SULT1E1: variants seen among roughly 807,000 people sequenced by gnomAD.
SULT1E1 encodes sulfotransferase family 1E member 1.
A neutral mutation model predicts 33.6 loss-of-function variants in SULT1E1; 36 were observed. The observed-to-expected ratio is 1.07, with a 90% CI of 0.82 to 1.41. The LOEUF (loss-of-function observed/expected upper bound fraction) is 1.41. Among genes scored for constraint, SULT1E1 ranks in the 40% most tolerant of loss-of-function variants. The probability of loss-of-function intolerance (pLI) is 0.00; values close to 1 mark genes in which losing one functional copy is unlikely to be tolerated. For synonymous variants in SULT1E1, 121 were observed against 111.7 expected (o/e 1.08, Z -0.53); for missense variants, 371 against 345.7 (o/e 1.07, Z -0.58).
At chr4:69,838,054 T>C (rs750360095), downstream of SULT1E1, among the ~76,000 whole-genome samples, 2 of 152,170 alleles carry the variant, frequency 1.3e-5, no homozygotes, top group Admixed American at 6.5e-5. Flanking sequence ...AATTGTCAAA[T>C]TTACTAGCAT....
chr4:69,838,055 T>G (rs1480404144), downstream of SULT1E1, among the ~76,000 whole-genome samples: 1 of 152,168 alleles, frequency 6.6e-6, no homozygotes, highest in Non-Finnish European at 1.5e-5. Flanking sequence ...ATTGTCAAAT[T>G]TACTAGCATA....
intron 2 of SULT1E1, 105 bp downstream of exon 2, chr4:69,857,395 T>C (rs1721263873): frequency 7.2e-7 from 1 of 1,391,974 alleles, no homozygotes; most frequent in East Asian, 2.4e-5. Flanking sequence ...ACCGCATCTG[T>C]TCTTAATATA....
At chr4:69,843,850 A>G (rs1363185414) in intron 7 of SULT1E1, among the ~76,000 whole-genome samples, 1 of 152,252 alleles carries the variant, frequency 6.6e-6, no homozygotes, top group Non-Finnish European at 1.5e-5. Context: ...AAGGAACTAT[A>G]TGATACATGT....
chr4:69,834,862 C>T, the SULT1E1 span, among the ~76,000 whole-genome samples: 1 of 151,986 alleles, frequency 6.6e-6, no homozygotes, highest in Non-Finnish European at 1.5e-5. Flanking sequence ...GTTTCTATTT[C>T]CTCATTTCTA....
intron 7 of SULT1E1, among the ~76,000 whole-genome samples, chr4:69,843,894 C>T (rs1389272696): frequency 3.3e-5 from 5 of 152,162 alleles, no homozygotes; most frequent in African/African-American, 1.2e-4. Flanking sequence ...TGGTAAATTA[C>T]AGCTAGTAGA....
chr4:69,848,364 G>C (rs1316116267), intron 5 of SULT1E1, among the ~76,000 whole-genome samples: 5 of 151,694 alleles, frequency 3.3e-5, no homozygotes, highest in African/African-American at 1.2e-4. Flanking sequence ...ACCAAATGCT[G>C]TCTCTTCCTT....
At chr4:69,857,338 T>C (rs113632847) in intron 2 of SULT1E1, among the ~76,000 whole-genome samples, 162 bp downstream of exon 2, 26 of 152,306 alleles carry the variant, frequency 1.7e-4, no homozygotes, top group African/African-American at 5.3e-4. Context: ...CAGGTAAAAA[T>C]TGTGGTCATG....
rs1352776526 is a variant in SULT1E1, at chr4:69,842,031, A to G, written c.848T>C (p.Met283Thr). ...EKFDKHYEQQ[M>T]KESTLKFRTE... ...TCGAAACTTCAGTGTAGATTCCTTCATTTGCTGCTCATAATGTTTATCAAA... is the reference window on the plus strand; with the variant it reads ...TCGAAACTTCAGTGTAGATTCCTTCGTTTGCTGCTCATAATGTTTATCAAA... Residue 283 changes from methionine to threonine, a missense_variant, in exon 8 of 8, where the codon ATG (methionine) becomes ACG (threonine). Met to Thr is a moderately conservative substitution (Grantham distance 81). Coordinates refer to ENST00000226444, the MANE Select transcript of SULT1E1 (RefSeq NM_005420.3). 2 of 1,610,296 alleles carry G rather than the reference A, an allele frequency of 1.2e-6. No homozygotes were observed. The highest frequency in any genetic ancestry group is 2.2e-5 in the East Asian group (1 of 44,584).
chr4:69,837,473 G>T (rs1051627975), downstream of SULT1E1, among the ~76,000 whole-genome samples: 3 of 152,008 alleles, frequency 2.0e-5, no homozygotes, highest in Non-Finnish European at 2.9e-5. Context: ...GAAAGTGTTT[G>T]TTTGGGATGT....
At chr4:69,852,561 T>A (rs1245524487) in intron 4 of SULT1E1, among the ~76,000 whole-genome samples, 1 of 152,206 alleles carries the variant, frequency 6.6e-6, no homozygotes, top group Non-Finnish European at 1.5e-5. Context: ...CTCAGTTATT[T>A]ATATTATCTA....
chr4:69,841,887 A>C lies in SULT1E1; in HGVS notation c.*107T>G. ...AACAAAAATTTAAAAAGAAAATGTC[A>C]ACATAATCCATGATTATGTCTTTTC... On this transcript the variant is annotated 3_prime_UTR_variant, in exon 8 of 8. Transcript: ENST00000226444. 1 of 637,884 alleles carries C rather than the reference A, an allele frequency of 1.6e-6. No homozygotes were observed. The highest frequency in any genetic ancestry group is 2.3e-5 in the South Asian group (1 of 43,758). The allele number at this position is 637,884 out of a possible 1,614,324, so 39.5% of individuals were successfully genotyped here. A position where few individuals can be genotyped will look rare whatever the true frequency, so the allele number is the denominator to read the frequency against.
rs753593231 is a variant in SULT1E1, at chr4:69,844,213, T to G, written c.720A>C (p.Thr240=). 2 of 1,614,034 alleles carry G rather than the reference T, an allele frequency of 1.2e-6. No homozygotes were observed. The highest frequency in any genetic ancestry group is 1.7e-6 in the Non-Finnish European group (2 of 1,179,932). ...EMKNNPSTNY[T]TLPDEIMNQK... ...GGTTCATAATTTCGTCTGGCAGTGT[T>G]GTGTAATTTGTGGATGGATTGTTCT... Residue 240 remains threonine, a synonymous_variant, in exon 7 of 8, where the codon ACA becomes ACC. Coordinates refer to ENST00000226444, the MANE Select transcript of SULT1E1 (RefSeq NM_005420.3).
chr4:69,859,015 T>C (rs1319836747), intron 1 of SULT1E1, among the ~76,000 whole-genome samples: 2 of 152,138 alleles, frequency 1.3e-5, no homozygotes, highest in Admixed American at 6.6e-5. Context: ...AAAATATCTT[T>C]TCTCATTCTA....
At chr4:69,856,652 C>T (rs1721242958) in intron 2 of SULT1E1, among the ~76,000 whole-genome samples, 1 of 151,868 alleles carries the variant, frequency 6.6e-6, no homozygotes, top group South Asian at 2.1e-4. Context: ...TAACTAAGGG[C>T]GGCCGGGCGC....
chr4:69,857,392 C>G (rs908152783), intron 2 of SULT1E1, 108 bp downstream of exon 2: 1 of 1,360,314 alleles, frequency 7.4e-7, no homozygotes, highest in Admixed American at 2.6e-5. Context: ...ACTACCGCAT[C>G]TGTTCTTAAT....
At position 69,843,431 on chromosome 4, in the gene SULT1E1, G is replaced by GT. The variant is rs1195473887; in HGVS notation, c.772+729dup. On this transcript the variant is annotated intron_variant, in intron 7 of 7. Coordinates refer to ENST00000226444, the MANE Select transcript of SULT1E1 (RefSeq NM_005420.3). Reference sequence around the variant, plus strand: ...TTTCAGTGGATCCCTGTTCTGTTTTGTTTTTTTCCCCAGTGGCAGGTTTGT... The same window carrying GT: ...TTTCAGTGGATCCCTGTTCTGTTTTGTTTTTTTTCCCCAGTGGCAGGTTTGT... Among the ~76,000 whole-genome samples, 4 of 152,164 alleles carry GT rather than the reference G, an allele frequency of 2.6e-5. No individual in the cohort carries two copies. The East Asian group carries it at 5.8e-4, about 22-fold the overall frequency.
downstream of SULT1E1, among the ~76,000 whole-genome samples, chr4:69,839,174 T>TC (rs1320643455): frequency 3.3e-5 from 5 of 152,252 alleles, no homozygotes; most frequent in Admixed American, 1.3e-4. Flanking sequence ...ATGTCTATTT[T>TC]CTGTCACTAT....
chr4:69,840,750 A>C (rs1462306668), downstream of SULT1E1, among the ~76,000 whole-genome samples: 1 of 152,118 alleles, frequency 6.6e-6, no homozygotes, highest in African/African-American at 2.4e-5. Flanking sequence ...ATTTTGTTGA[A>C]AGTAAAAGAA....
At chr4:69,852,476 C>T (rs1279947786) in intron 4 of SULT1E1, among the ~76,000 whole-genome samples, 7 of 152,076 alleles carry the variant, frequency 4.6e-5, no homozygotes, top group Non-Finnish European at 8.8e-5. Flanking sequence ...CAAAAAATCC[C>T]GCTTCTTCCT....
Sources: allele counts gnomAD v4.1 joint callset (sites outside exome capture counted in the v4.1 genomes callset), GRCh38; gene constraint gnomAD v4.1.1; transcripts MANE v1.5; gene names NCBI Gene and HGNC (gene_info 2026-07-23, HGNC 2026-07-21).